DGLUCY: variants seen among roughly 807,000 people sequenced by gnomAD.
DGLUCY encodes D-glutamate cyclase, mitochondrial.
Under a neutral mutation model 58.5 loss-of-function variants are expected in DGLUCY, and 58 were observed. That is an observed-to-expected ratio of 0.99 (90% CI 0.80 to 1.23). DGLUCY has a LOEUF of 1.23. Among genes scored for constraint, DGLUCY ranks in the 50% most tolerant of loss-of-function variants. The pLI is 0.00. For missense variants in DGLUCY, 779 were observed against 784.7 expected (o/e 0.99, Z 0.09); for synonymous variants, 325 against 314.1 (o/e 1.03, Z -0.37).
chr14:91,193,460 A>G (rs2050024540), intron 9 of DGLUCY, among the ~76,000 whole-genome samples: 1 of 152,202 alleles, frequency 6.6e-6, no homozygotes, highest in Non-Finnish European at 1.5e-5. Context: ...CAGAACTTAC[A>G]TTACATTTGC....
intron 1 of DGLUCY, among the ~76,000 whole-genome samples, chr14:91,137,159 G>C (rs550128166): frequency 3.1e-4 from 46 of 149,582 alleles, no homozygotes; most frequent in African/African-American, 1.1e-3. Flanking sequence ...TTCCCGTAGA[G>C]ACATGGTCTC....
chr14:91,185,670 G>A (rs540913887), intron 8 of DGLUCY: 2 of 149,842 alleles, frequency 1.3e-5, no homozygotes, highest in South Asian at 2.1e-4. Flanking sequence ...AGTCATGAGG[G>A]AAGATGAATT....
intron 1 of DGLUCY, among the ~76,000 whole-genome samples, chr14:91,088,516 C>G (rs1167666550): frequency 6.6e-6 from 1 of 152,220 alleles, no homozygotes; most frequent in East Asian, 1.9e-4. Context: ...GTGTCTTGTT[C>G]TCTGCTGTTA....
intron 1 of DGLUCY, among the ~76,000 whole-genome samples, chr14:91,116,716 C>A (rs986377624): frequency 2.0e-5 from 3 of 152,102 alleles, no homozygotes; most frequent in Admixed American, 2.0e-4. Context: ...GAGGCCAAGG[C>A]AGACAGATCA....
intron 1 of DGLUCY, among the ~76,000 whole-genome samples, chr14:91,078,030 TTTA>T (rs905555265): frequency 6.6e-6 from 1 of 152,120 alleles, no homozygotes; most frequent in Non-Finnish European, 1.5e-5. Context: ...CTATTTTGTT[TTTA>T]TTGTTATTAT....
At chr14:91,132,343 T>A (rs1174383907) in intron 1 of DGLUCY, among the ~76,000 whole-genome samples, 1 of 152,172 alleles carries the variant, frequency 6.6e-6, no homozygotes, top group Non-Finnish European at 1.5e-5. Flanking sequence ...GGTGGGAGGA[T>A]CACTTGAGCC....
At position 91,139,595 on chromosome 14, in the gene DGLUCY, G is replaced by A. The variant is rs139642620; in HGVS notation, c.-81-18044G>A. Among the ~76,000 whole-genome samples, 463 of 152,278 alleles carry A rather than the reference G, an allele frequency of 3.0e-3. 4 individuals carry two copies. The highest frequency in any genetic ancestry group is 9.4e-3 in the African/African-American group (390 of 41,560). ...AGCTACTTGGGAGGCTGAGGCAGTAGAATAGCTTGAACTCGGGAGGCAGAG... is the reference window on the plus strand; with the variant it reads ...AGCTACTTGGGAGGCTGAGGCAGTAAAATAGCTTGAACTCGGGAGGCAGAG... On this transcript the variant is annotated intron_variant, in intron 1 of 13. Transcript: ENST00000256324.
rs572329591 is a variant in DGLUCY at position 91,098,565 on chromosome 14, C to T, written c.-82+37861C>T. Reference sequence around the variant, plus strand: ...TATATGATTTAATTTCTAATAATGGCTGTATTTAACAACTGGCTCACAAAC... The same window carrying T: ...TATATGATTTAATTTCTAATAATGGTTGTATTTAACAACTGGCTCACAAAC... On this transcript the variant is annotated intron_variant, in intron 1 of 4. Transcript: ENST00000521334. Among the ~76,000 whole-genome samples, 479 of 152,278 alleles carry T rather than the reference C, an allele frequency of 3.1e-3. 3 individuals carry two copies. The highest frequency in any genetic ancestry group is 0.011 in the African/African-American group (463 of 41,564).
At chr14:91,088,678 C>T (rs879712734) in intron 1 of DGLUCY, among the ~76,000 whole-genome samples, 4 of 152,218 alleles carry the variant, frequency 2.6e-5, no homozygotes, top group Admixed American at 6.5e-5. Context: ...TTCCCCTAAG[C>T]AGGGGTTGCT....
intron 2 of DGLUCY, chr14:91,158,945 T>G (rs1402484454): frequency 1.3e-5 from 2 of 149,130 alleles, no homozygotes; most frequent in Non-Finnish European, 3.0e-5. Context: ...TCCTTCCACC[T>G]CAACCTCCCA....
rs1270283699 is a variant in DGLUCY, at chr14:91,175,994, C to T, written c.668C>T (p.Pro223Leu). The change falls in exon 7 of 14, where the codon CCA becomes CTA. Residue 223 changes from proline (P) to leucine (L), a missense_variant. Coordinates refer to ENST00000256324, the MANE Select transcript of DGLUCY (RefSeq NM_001102368.3). ...PAYGDAMVCP[P>L]GEVPVFWPSP... ...TACGGGGATGCCATGGTGTGTCCCC[C>T]AGGGGAGGTTCCAGTGTTCTGGCCT... The T allele has an allele frequency of 5.6e-6, 9 of 1,614,010 alleles. No individual in the cohort carries two copies. In the African/African-American group the frequency reaches 1.2e-4, roughly 22 times the overall value.
At chr14:91,176,703 G>C (rs1316909496) in intron 7 of DGLUCY, among the ~76,000 whole-genome samples, 2 of 152,164 alleles carry the variant, frequency 1.3e-5, no homozygotes, top group East Asian at 3.8e-4. Flanking sequence ...GGGCTCCAGC[G>C]AGGGAGGTGT....
At chr14:91,151,435 G>T (rs1343652425) in intron 1 of DGLUCY, among the ~76,000 whole-genome samples, 2 of 151,918 alleles carry the variant, frequency 1.3e-5, no homozygotes, top group South Asian at 2.1e-4. Flanking sequence ...TAGAGACAGG[G>T]TTTCACCATG....
intron 13 of DGLUCY, chr14:91,223,575 A>G: frequency 4.4e-6 from 4 of 913,802 alleles, no homozygotes; most frequent in Non-Finnish European, 4.5e-6. Flanking sequence ...TTCACTAGGG[A>G]CAGACACATT....
intron 7 of DGLUCY, among the ~76,000 whole-genome samples, chr14:91,177,243 C>G (rs2048912827): frequency 6.6e-6 from 1 of 152,198 alleles, no homozygotes; most frequent in Non-Finnish European, 1.5e-5. Flanking sequence ...TCAAGTGATT[C>G]TCCTGCCCCA....
At chr14:91,148,079 C>T (rs535438888) in intron 1 of DGLUCY, among the ~76,000 whole-genome samples, 14 of 152,240 alleles carry the variant, frequency 9.2e-5, no homozygotes, top group African/African-American at 3.1e-4. Context: ...GAGGGTGAGG[C>T]AGGAGAATCG....
upstream of DGLUCY, among the ~76,000 whole-genome samples, chr14:91,106,205 G>C (rs2044585358): frequency 2.6e-5 from 4 of 151,790 alleles, no homozygotes; most frequent in Admixed American, 2.6e-4. Flanking sequence ...CTGCTGGGGA[G>C]GCTGAGGCAG....
intron 1 of DGLUCY, among the ~76,000 whole-genome samples, chr14:91,100,416 T>C (rs926422731): frequency 4.6e-5 from 7 of 152,106 alleles, no homozygotes; most frequent in Non-Finnish European, 7.4e-5. Flanking sequence ...GTTGTGGAGG[T>C]GTGTTAAAAT....
intron 1 of DGLUCY, among the ~76,000 whole-genome samples, chr14:91,142,504 G>C (rs2046757243): frequency 6.6e-6 from 1 of 152,196 alleles, no homozygotes; most frequent in Admixed American, 6.5e-5. Context: ...AGGGTAATAA[G>C]ATGCAAAGAT....
Sources: allele counts gnomAD v4.1 joint callset (sites outside exome capture counted in the v4.1 genomes callset), GRCh38; gene constraint gnomAD v4.1.1; transcripts MANE v1.5; gene names NCBI Gene and HGNC (gene_info 2026-07-23, HGNC 2026-07-21).